SPACA6: variants seen among roughly 807,000 people sequenced by gnomAD.
The protein encoded by SPACA6 is sperm acrosome membrane-associated protein 6.
For synonymous variants in SPACA6, 6 were observed against 1.5 expected (o/e 4.05, Z -2.21); for missense variants, 8 against 2.8 (o/e 2.88, Z -1.34).
At chr19:51,694,693 T>G (rs929298292) in intron 2 of SPACA6, 138 bp downstream of exon 2, 3 of 397,502 alleles carry the variant, frequency 7.5e-6, no homozygotes, top group African/African-American at 6.2e-5. Context: ...GGGAAGACAT[T>G]GAGCTCAGCT....
At chr19:51,687,352 TAAAA>T (rs900979177), upstream of SPACA6, 1 of 151,998 alleles carries the variant, frequency 6.6e-6, no homozygotes, top group Non-Finnish European at 1.5e-5. Flanking sequence ...TTTCTTGACA[TAAAA>T]AACCTCCCAA....
At position 51,693,602 on chromosome 19, in the gene SPACA6, G is replaced by A; in HGVS notation, c.76G>A (p.Ala26Thr). 2.3e-6 allele frequency: 1 copy of A among 430,778 alleles called. No homozygotes were observed. The highest frequency in any genetic ancestry group is 4.2e-6 in the Non-Finnish European group (1 of 240,234). The allele number at this position is 430,778 out of a possible 1,614,324, so 26.7% of individuals were successfully genotyped here. ...GGCTGTCTTCAGGGTGCCCGCCTGG[G>A]CCTGTCTCCTCTGCTTCACAACCTA... is the stretch of plus-strand genomic sequence containing the variant. ...ALAVFRVPAW[A>T]CLLCFTTYSE... is the part of the protein sequence containing the mutation. Residue 26 changes from alanine (A) to threonine (T), a missense_variant, in exon 1 of 9, where the codon GCC (alanine) becomes ACC (threonine). Transcript: ENST00000637797.
upstream of SPACA6, among the ~76,000 whole-genome samples, chr19:51,689,867 C>T (rs926113055): frequency 2.6e-5 from 4 of 151,184 alleles, no homozygotes; most frequent in Non-Finnish European, 5.9e-5. Context: ...AGACTAGGGG[C>T]GAGCTGCCCG....
rs957474601 is a variant in SPACA6, at chr19:51,702,480, C to A, written c.362-149C>A. 1.0e-5 allele frequency: 4 copies of A among 393,112 alleles called. No individual in the cohort carries two copies. In the East Asian group the frequency reaches 1.1e-4, roughly 11 times the overall value. 24.4% of individuals were successfully genotyped at this position (393,112 alleles called of 1,614,324 possible). ...GGCCCCGGCCCCAGGTGGAACCCAG[C>A]CGGCTTGACCCCGCCCCCAGGTTAT... is the stretch of plus-strand genomic sequence containing the variant. On this transcript the variant is annotated intron_variant, in intron 3 of 8. Transcript: ENST00000637797.
upstream of SPACA6, chr19:51,693,206 C>A: frequency 1.7e-6 from 1 of 583,820 alleles, no homozygotes; most frequent in Admixed American, 2.4e-5. Flanking sequence ...TGCCTATCTC[C>A]ATCTCTGACC....
At chr19:51,702,494 C>T in intron 3 of SPACA6, 135 bp from the exon 4 acceptor site, 1 of 395,792 alleles carries the variant, frequency 2.5e-6, no homozygotes, top group Non-Finnish European at 4.5e-6. Flanking sequence ...CTTGACCCCG[C>T]CCCCAGGTTA....
rs2083396142 is a variant in SPACA6 at position 51,693,598 on chromosome 19, C to T, written c.72C>T (p.Ala24=). The T allele has an allele frequency of 2.3e-6, 1 of 431,844 alleles. No individual in the cohort carries two copies. The highest frequency in any genetic ancestry group is 4.2e-6 in the Non-Finnish European group (1 of 240,624). The allele number at this position is 431,844 out of a possible 1,614,324, so 26.8% of individuals were successfully genotyped here. ...LLALAVFRVP[A]WACLLCFTTY... ...CCCTGGCTGTCTTCAGGGTGCCCGC[C>T]TGGGCCTGTCTCCTCTGCTTCACAA... The change falls in exon 1 of 9, where the codon GCC becomes GCT. Residue 24 remains alanine (A), a synonymous_variant. Coordinates refer to ENST00000637797, the MANE Select transcript of SPACA6 (RefSeq NM_001316972.2).
In SPACA6 at chr19:51,703,344, C is replaced by A; in HGVS notation, c.573+7C>A. Reference sequence around the variant, plus strand: ...GAAGTTCGCAGGAGGAGGTGTGAGTCGGGGCGGGGCCGGCGCGAAGAGTTT... The same window carrying A: ...GAAGTTCGCAGGAGGAGGTGTGAGTAGGGGCGGGGCCGGCGCGAAGAGTTT... On this transcript the variant is annotated splice_region_variant and intron_variant, in intron 6 of 8. Coordinates refer to ENST00000637797, the MANE Select transcript of SPACA6 (RefSeq NM_001316972.2). This position sits in a 1 kb window ranked among gnomAD's most constrained non-coding sequence, Gnocchi z 4.2. 2.5e-6 allele frequency: 1 copy of A among 398,682 alleles called. No individual in the cohort carries two copies. The highest frequency in any genetic ancestry group is 1.3e-4 in the South Asian group (1 of 7,800). The allele number at this position is 398,682 out of a possible 1,614,324, so 24.7% of individuals were successfully genotyped here. A position where few individuals can be genotyped will look rare whatever the true frequency, so the allele number is the denominator to read the frequency against.
intron 2 of SPACA6, among the ~76,000 whole-genome samples, chr19:51,695,430 A>G (rs1305598230): frequency 6.6e-6 from 1 of 152,206 alleles, no homozygotes; most frequent in Non-Finnish European, 1.5e-5. Flanking sequence ...TCTTAGGTCC[A>G]GGAGCTCAGG....
At chr19:51,691,548 G>C (rs1213202540), upstream of SPACA6, among the ~76,000 whole-genome samples, 1 of 151,912 alleles carries the variant, frequency 6.6e-6, no homozygotes, top group African/African-American at 2.4e-5. Context: ...GAAAACAGAA[G>C]CGGGGAGAGG....
chr19:51,698,728 T>G lies in SPACA6; in HGVS notation c.293-2930T>G, dbSNP rs776841993. ...GCCAATATCCTCAGTTCCCTCCCTT[T>G]TTGTATGGCTTTAATCACAGAGGAC... On this transcript the variant is annotated intron_variant, in intron 2 of 8. Coordinates refer to ENST00000637797, the MANE Select transcript of SPACA6 (RefSeq NM_001316972.2). Among the ~76,000 whole-genome samples the G allele has an allele frequency of 5.9e-5, 9 of 152,322 alleles. No individual in the cohort carries two copies. The South Asian group carries it at 1.0e-3, about 18-fold the overall frequency.
At chr19:51,683,383 C>T in the SPACA6 span, among the ~76,000 whole-genome samples, 11 of 152,214 alleles carry the variant, frequency 7.2e-5, no homozygotes, top group South Asian at 2.3e-3. Flanking sequence ...CAAAGAAGGT[C>T]ACATTCACAG....
At chr19:51,690,952 C>G (rs1190625833), upstream of SPACA6, among the ~76,000 whole-genome samples, 1 of 151,998 alleles carries the variant, frequency 6.6e-6, no homozygotes, top group African/African-American at 2.4e-5. Flanking sequence ...CCTTCCTCCC[C>G]ACCTTGGCCT....
At chr19:51,683,885 G>C in the SPACA6 span, among the ~76,000 whole-genome samples, 1 of 152,192 alleles carries the variant, frequency 6.6e-6, no homozygotes, top group South Asian at 2.1e-4. Context: ...TCGGGCTTCA[G>C]AATCTGTGCT....
At chr19:51,683,655 G>C in the SPACA6 span, among the ~76,000 whole-genome samples, 3 of 152,220 alleles carry the variant, frequency 2.0e-5, no homozygotes, top group Non-Finnish European at 4.4e-5. Context: ...AGCTAGCTCT[G>C]TATTAATTTG....
chr19:51,702,179 T>C (rs2122893), intron 3 of SPACA6, among the ~76,000 whole-genome samples: 12,066 of 152,130 alleles, frequency 0.079, 598 homozygotes, highest in African/African-American at 0.14. Flanking sequence ...ATTTTTGATC[T>C]GGCCCCGCCC....
At chr19:51,683,516 G>A in the SPACA6 span, among the ~76,000 whole-genome samples, 99 of 152,106 alleles carry the variant, frequency 6.5e-4, no homozygotes, top group African/African-American at 2.1e-3. Flanking sequence ...GAAGGGAGGG[G>A]TCAATCAAGG....
chr19:51,705,076 C>T lies in SPACA6; in HGVS notation c.942-14C>T, dbSNP rs1478042252. The stretch of plus-strand genomic sequence containing the variant: ...AACCCCTCCTGTAACACACATACCT[C>T]TTTGTTTCCCCAGGATGTTCTTTCG... On this transcript the variant is annotated splice_polypyrimidine_tract_variant and intron_variant, in intron 8 of 8. Transcript: ENST00000637797. 1 of 401,160 alleles carries T rather than the reference C, an allele frequency of 2.5e-6. No individual in the cohort carries two copies. The highest frequency in any genetic ancestry group is 3.6e-5 in the East Asian group (1 of 28,096). 24.9% of individuals were successfully genotyped at this position (401,160 alleles called of 1,614,324 possible).
intron 3 of SPACA6, 159 bp from the exon 4 acceptor site, chr19:51,702,470 T>TGGAACCCAGCC (rs2083476440): frequency 2.5e-6 from 1 of 392,510 alleles, no homozygotes; most frequent in African/African-American, 2.1e-5. Context: ...CGGCCCCAGG[T>TGGAACCCAGCC]GGAACCCAGC....
Sources: gnomAD v4.1 joint callset for allele counts (sites outside exome capture counted in the v4.1 genomes callset) on GRCh38, gnomAD v4.1.1 for gene constraint, Gnocchi (gnomAD v3.1) non-coding constraint, MANE v1.5 for transcripts, NCBI Gene and HGNC (gene_info 2026-07-23, HGNC 2026-07-21) for gene names.